Variants in DENND4A observed in about 807,000 individuals in gnomAD.
DENND4A encodes C-myc promoter-binding protein.
DENND4A carries 70 observed loss-of-function variants against 199.3 expected under a neutral mutation model. The ratio of observed to expected loss-of-function variants is 0.35; its 90% CI spans 0.29 to 0.43. The LOEUF (loss-of-function observed/expected upper bound fraction) is 0.43, where lower values mean the gene tolerates loss of function less well. Among genes scored for constraint, DENND4A ranks in the 20% least tolerant of loss-of-function variants. The pLI, the probability that DENND4A is intolerant of heterozygous loss-of-function variation, is 1.00. For synonymous variants in DENND4A, 686 were observed against 766.9 expected (o/e 0.89, Z 1.74); for missense variants, 1,723 against 2,255.8 (o/e 0.76, Z 4.78).
chr15:65,711,849 C>T (rs1348773261), intron 14 of DENND4A, among the ~76,000 whole-genome samples: 1 of 152,200 alleles, frequency 6.6e-6, no homozygotes, highest in African/African-American at 2.4e-5. Flanking sequence ...TGTTTAGAGA[C>T]AGGGTCTCAC....
Position 65,773,882 on chromosome 15 carries a change from GTTGA to G in DENND4A, c.-101-12448_-101-12445del, listed in dbSNP as rs757416857. On this transcript the variant is annotated intron_variant, in intron 1 of 32. Transcript: ENST00000443035. ...TTTTTTGTTTGTTTGTTTTTGGTTG[GTTGA>G]TTATTTTTAATGGGGTGGAGGAGGA... Among the ~76,000 whole-genome samples, 164 of 152,132 alleles carry G rather than the reference GTTGA, an allele frequency of 1.1e-3. 2 individuals carry two copies. The highest frequency in any genetic ancestry group is 1.1e-3 in the Non-Finnish European group (74 of 68,028).
chr15:65,788,051 A>T (rs1596719543), intron 1 of DENND4A, among the ~76,000 whole-genome samples: 1 of 152,072 alleles, frequency 6.6e-6, no homozygotes, highest in African/African-American at 2.4e-5. Context: ...TAAAACTATT[A>T]CAAGGTTAGT....
chr15:65,762,439 T>C (rs548274207), intron 1 of DENND4A, among the ~76,000 whole-genome samples: 4 of 151,448 alleles, frequency 2.6e-5, no homozygotes, highest in Non-Finnish European at 5.9e-5. Context: ...GCCTGGGCAA[T>C]ATAGTGAGGC....
At chr15:65,716,487 C>A (rs958933625) in intron 13 of DENND4A, among the ~76,000 whole-genome samples, 2 of 147,198 alleles carry the variant, frequency 1.4e-5, no homozygotes, top group Admixed American at 1.4e-4. Context: ...TGAGTGAGAA[C>A]ATGCGGTGTT....
intron 30 of DENND4A, chr15:65,664,942 A>C (rs972519401): frequency 2.0e-6 from 1 of 490,778 alleles, no homozygotes; most frequent in African/African-American, 2.0e-5. Context: ...GACAATAACT[A>C]AGAATATTGT....
At chr15:65,773,899 G>A (rs2077208966) in intron 1 of DENND4A, among the ~76,000 whole-genome samples, 2 of 152,114 alleles carry the variant, frequency 1.3e-5, no homozygotes, top group Admixed American at 1.3e-4. Context: ...ATTTTTAATG[G>A]GGTGGAGGAG....
At chr15:65,680,823 A>C (rs1596412782) in intron 23 of DENND4A, 1 of 152,242 alleles carries the variant, frequency 6.6e-6, no homozygotes, top group East Asian at 1.9e-4. Flanking sequence ...ACTGTACAAC[A>C]GCATTATGTC....
At position 65,697,285 on chromosome 15, in the gene DENND4A, C is replaced by G. The variant is rs773395244; in HGVS notation, c.2932G>C (p.Gly978Arg). ...TACCTACAGGAACTACAATCACTCC[C>G]TTTTTTATCTTTTTCTTCTTGAATG... The part of the protein sequence containing the change: ...EDIQEEKDKK[G>R]SDCSSLSESE... The change falls in exon 21 of 33, where the codon GGG becomes CGG. Residue 978 changes from glycine to arginine, a missense_variant. Around this residue, in one of 6 missense-constraint regions of DENND4A, gnomAD observed 650 missense variants for 738.1 expected, o/e 0.88. Coordinates refer to ENST00000443035, the MANE Select transcript of DENND4A (RefSeq NM_001320835.1). 1 of 1,591,308 alleles carries G rather than the reference C, an allele frequency of 6.3e-7. No individual in the cohort carries two copies. The highest frequency in any genetic ancestry group is 8.6e-7 in the Non-Finnish European group (1 of 1,163,776).
rs1465088762 is a variant in DENND4A at position 65,749,801 on chromosome 15, A to C, written c.561+2578T>G. Among the ~76,000 whole-genome samples the C allele has an allele frequency of 2.6e-5, 4 of 152,200 alleles. No homozygotes were observed. In the South Asian group the frequency reaches 8.3e-4, roughly 31 times the overall value. ...GGAATGTAGGAAATAGCATTCTCAT[A>C]AACTATGCCTGCTGGGAGTAAAAAC... On this transcript the variant is annotated intron_variant, in intron 4 of 32. Transcript: ENST00000443035.
chr15:65,707,171 T>C (rs1030199329), intron 14 of DENND4A, among the ~76,000 whole-genome samples: 1 of 152,096 alleles, frequency 6.6e-6, no homozygotes, highest in African/African-American at 2.4e-5. Context: ...CTATTTCCAC[T>C]AGATACTCGA....
intron 4 of DENND4A, 77 bp downstream of exon 4, chr15:65,752,281 CAAAAAAAAAAAAAAAAAAAAA>C (rs61418354): frequency 8.4e-5 from 23 of 272,676 alleles, no homozygotes; most frequent in Admixed American, 5.6e-4. Flanking sequence ...TGCTGTTTTC[CAAAAAAAAAAAAAAAAAAAAA>C]AAAAAAAAAA....
At chr15:65,665,552 T>A in intron 29 of DENND4A, 90 bp from the exon 30 acceptor site, 2 of 974,330 alleles carry the variant, frequency 2.1e-6, no homozygotes, top group South Asian at 4.1e-5. Flanking sequence ...TTTTTTAGGA[T>A]GTATATGTGC....
chr15:65,674,462 T>C (rs142321079), intron 24 of DENND4A, among the ~76,000 whole-genome samples: 93 of 152,306 alleles, frequency 6.1e-4, no homozygotes, highest in African/African-American at 2.0e-3. Flanking sequence ...TGTGAACGTA[T>C]TGACATTCAT....
intron 1 of DENND4A, among the ~76,000 whole-genome samples, chr15:65,761,778 A>T (rs1489961444): frequency 7.2e-5 from 11 of 152,118 alleles, no homozygotes; most frequent in Admixed American, 7.2e-4. Flanking sequence ...GAACAACATG[A>T]CTATTTCTGG....
At chr15:65,735,012 G>A (rs2076070909) in intron 7 of DENND4A, among the ~76,000 whole-genome samples, 1 of 152,122 alleles carries the variant, frequency 6.6e-6, no homozygotes, top group African/African-American at 2.4e-5. Context: ...GAGCCCAGGA[G>A]GTCCAGGCTG....
intron 12 of DENND4A, among the ~76,000 whole-genome samples, chr15:65,719,760 T>C (rs1390160679): frequency 6.6e-6 from 1 of 151,618 alleles, no homozygotes; most frequent in African/African-American, 2.4e-5. Context: ...CTGGGTGTGA[T>C]AGCTTGTGTC....
At chr15:65,686,790 A>C (rs1438985769) in intron 23 of DENND4A, among the ~76,000 whole-genome samples, 1 of 152,134 alleles carries the variant, frequency 6.6e-6, no homozygotes, top group Non-Finnish European at 1.5e-5. Context: ...TCTGGGTTCA[A>C]GCAACACACC....
rs370074612 is a variant in DENND4A, at chr15:65,676,627, C to A, written c.4187G>T (p.Ser1396Ile). The change falls in exon 24 of 33, where the codon AGT becomes ATT. Residue 1396 changes from serine (S) to isoleucine (I), a missense_variant. By Grantham distance (142) the Ser-to-Ile change is moderately radical (BLOSUM62 -2). Transcript: ENST00000443035. ...TGAAGAAAGACTGGTACGATCAGAA[C>A]TTTGATCCTAAGGACATAATTATAA... ...TMYTTSSKDQ[S>I]SDRTSLSSVG... 27 of 1,610,344 alleles carry A rather than the reference C, an allele frequency of 1.7e-5. No individual in the cohort carries two copies. In the African/African-American group the frequency reaches 2.8e-4, roughly 17 times the overall value.
intron 1 of DENND4A, among the ~76,000 whole-genome samples, chr15:65,768,318 GT>G (rs965229249): frequency 6.6e-6 from 1 of 151,740 alleles, no homozygotes; most frequent in Non-Finnish European, 1.5e-5. Flanking sequence ...CACCTAGCCT[GT>G]TTTTTTCGTT....
Sources: gnomAD v4.1 joint callset for allele counts (sites outside exome capture counted in the v4.1 genomes callset) on GRCh38, gnomAD v4.1.1 for gene constraint, gnomAD v4.1.1 regional missense constraint, MANE v1.5 for transcripts, NCBI Gene and HGNC (gene_info 2026-07-23, HGNC 2026-07-21) for gene names.